LAMC2: variants seen among roughly 807,000 people sequenced by gnomAD.
LAMC2 encodes laminin subunit gamma-2.
LAMC2 carries 97 observed loss-of-function variants against 140.2 expected under a neutral mutation model. That is an observed-to-expected ratio of 0.69 (90% CI 0.59 to 0.82). The LOEUF (loss-of-function observed/expected upper bound fraction) is 0.82, where lower values mean the gene tolerates loss of function less well. LAMC2 is among the 40% of genes least tolerant of loss of function. LAMC2 has a pLI of 0.00. For synonymous variants in LAMC2, 513 were observed against 540.2 expected (o/e 0.95, Z 0.70); for missense variants, 1,402 against 1,476.1 (o/e 0.95, Z 0.82).
In LAMC2 at chr1:183,226,866, C is replaced by T; in HGVS notation, c.1235C>T (p.Thr412Ile). The T allele has an allele frequency of 6.2e-7, 1 of 1,614,102 alleles. No individual in the cohort carries two copies. ...RDSARLGPFG[T>I]CIPCNCQGGG... Reference sequence around the variant, plus strand: ...TCAGCGAGACTGGGGCCTTTTGGCACCTGTATTCCTTGTAACTGTCAAGGG... The same window carrying T: ...TCAGCGAGACTGGGGCCTTTTGGCATCTGTATTCCTTGTAACTGTCAAGGG... Residue 412 changes from threonine (T) to isoleucine (I), a missense_variant, in exon 9 of 23, where the codon ACC becomes ATC. Physicochemically the swap from Thr to Ile is moderately conservative, Grantham distance 89. This residue lies in a region of LAMC2 where 723 missense variants were observed against 783.3 expected (regional missense o/e 0.92). Transcript: ENST00000264144.
intron 3 of LAMC2, among the ~76,000 whole-genome samples, chr1:183,216,728 C>G (rs1272836055): frequency 6.6e-6 from 1 of 152,142 alleles, no homozygotes; most frequent in Non-Finnish European, 1.5e-5. Flanking sequence ...ATCTTATTTT[C>G]TATTCATGTT....
intron 16 of LAMC2, 73 bp downstream of exon 16, chr1:183,235,803 G>C (rs1659944425): frequency 2.7e-6 from 4 of 1,486,842 alleles, no homozygotes; most frequent in African/African-American, 1.4e-5. Context: ...AACCGTACTT[G>C]AGGGGCACCA....
chr1:183,207,274 G>A (rs1373526662), intron 1 of LAMC2, among the ~76,000 whole-genome samples: 1 of 152,046 alleles, frequency 6.6e-6, no homozygotes, highest in Non-Finnish European at 1.5e-5. Context: ...GTCACTTTGC[G>A]AGTCTCTTTG....
In LAMC2 at chr1:183,223,148, G is replaced by T; in HGVS notation, c.777G>T (p.Gly259=). The change falls in exon 7 of 23, where the codon GGG becomes GGT. Residue 259 remains glycine, a synonymous_variant. Coordinates refer to ENST00000264144, the MANE Select transcript of LAMC2 (RefSeq NM_005562.3). ...TCTGTTTCACAGCCAAATTTCTTGG[G>T]AATCAACAGGTGAGCTATGGTCAAA... ...VYFVAPAKFL[G]NQQVSYGQSL... The T allele has an allele frequency of 6.2e-7, 1 of 1,614,070 alleles. No homozygotes were observed. Among genetic ancestry groups the T allele is most frequent in the East Asian group, 2.2e-5 (1 of 44,876 alleles).
chr1:183,237,311 G>T, intron 17 of LAMC2, 41 bp from the exon 18 acceptor site: 1 of 1,612,432 alleles, frequency 6.2e-7, no homozygotes, highest in Non-Finnish European at 8.5e-7. Flanking sequence ...GTGGTAACTG[G>T]TAAGCAGAAG....
chr1:183,213,464 T>C (rs1659135068), intron 2 of LAMC2, among the ~76,000 whole-genome samples: 1 of 152,206 alleles, frequency 6.6e-6, no homozygotes, highest in Non-Finnish European at 1.5e-5. Flanking sequence ...GACTGGTCAA[T>C]GTTCCCTTGG....
intron 2 of LAMC2, among the ~76,000 whole-genome samples, chr1:183,211,693 T>A (rs2102203081): frequency 6.6e-6 from 1 of 152,116 alleles, no homozygotes; most frequent in African/African-American, 2.4e-5. Flanking sequence ...TATTTTTTTG[T>A]GGAGACAGGG....
intron 21 of LAMC2, 40 bp from the exon 22 acceptor site, chr1:183,240,252 A>C: frequency 6.2e-7 from 1 of 1,614,226 alleles, no homozygotes; most frequent in Non-Finnish European, 8.5e-7. Flanking sequence ...CAAAATGGAA[A>C]ATACCTTTTC....
intron 2 of LAMC2, among the ~76,000 whole-genome samples, chr1:183,213,748 CAAA>C (rs529019896): frequency 1.2e-4 from 8 of 68,164 alleles, no homozygotes; most frequent in African/African-American, 5.9e-5. Flanking sequence ...TGCAGTGAGC[CAAA>C]AAAAAAAAAA....
rs62640910 is a variant in LAMC2, at chr1:183,232,672, C to T, written c.2035C>T (p.Leu679Phe). ...ISEGASRSLG[L>F]QLAKVRSQEN... is the part of the protein sequence containing the mutation. ...TTCAGGTGCTAGCAGATCCCTTGGTCTCCAGTTGGCCAAGGTGAGGAGCCA... is the reference window on the plus strand; with the variant it reads ...TTCAGGTGCTAGCAGATCCCTTGGTTTCCAGTTGGCCAAGGTGAGGAGCCA... Residue 679 changes from leucine (L) to phenylalanine (F), a missense_variant, in exon 14 of 23, where the codon CTC becomes TTC. Around this residue, in one of 3 missense-constraint regions of LAMC2, gnomAD observed 670 missense variants for 667.2 expected, o/e 1.00. Coordinates refer to ENST00000264144, the MANE Select transcript of LAMC2 (RefSeq NM_005562.3). The T allele has an allele frequency of 2.3e-3, 3,786 of 1,613,144 alleles. 78 individuals are homozygous for T. The African/African-American group carries it at 0.043, about 18-fold the overall frequency.
chr1:183,223,192 G>A lies in LAMC2; in HGVS notation c.821G>A (p.Arg274His), dbSNP rs926921361. Residue 274 changes from arginine (R) to histidine (H), a missense_variant, in exon 7 of 23, where the codon CGT becomes CAT. By Grantham distance (29) the Arg-to-His change is conservative (BLOSUM62 0). This residue lies in a region of LAMC2 where 723 missense variants were observed against 783.3 expected (regional missense o/e 0.92). Coordinates refer to ENST00000264144, the MANE Select transcript of LAMC2 (RefSeq NM_005562.3). ...SYGQSLSFDY[R>H]VDRGGRHPSA... ...GGTCAAAGCCTGTCCTTTGACTACC[G>A]TGTGGACAGAGGAGGCAGACACCCA... is the stretch of plus-strand genomic sequence containing the variant. 8.1e-6 allele frequency: 13 copies of A among 1,614,130 alleles called. No individual in the cohort carries two copies. Among genetic ancestry groups the A allele is most frequent in the East Asian group, 2.2e-5 (1 of 44,880 alleles).
intron 7 of LAMC2, 48 bp from the exon 8 acceptor site, chr1:183,225,560 A>C: frequency 8.3e-7 from 1 of 1,208,742 alleles, no homozygotes; most frequent in Non-Finnish European, 1.2e-6. Context: ...ACAGGTAGGT[A>C]TGTGGTAAGA....
chr1:183,232,930 C>A, intron 14 of LAMC2, 73 bp downstream of exon 14: 1 of 1,387,638 alleles, frequency 7.2e-7, no homozygotes, highest in Non-Finnish European at 1.0e-6. Flanking sequence ...CTCACTGACT[C>A]AATTTCTGTC....
At chr1:183,221,680 G>A (rs1166784344) in intron 5 of LAMC2, among the ~76,000 whole-genome samples, 1 of 151,106 alleles carries the variant, frequency 6.6e-6, no homozygotes, top group African/African-American at 2.4e-5. Context: ...AGTGAGCCGA[G>A]ATCGCGCCAC....
chr1:183,249,079 G>A (rs950189298), downstream of LAMC2: 4 of 152,278 alleles, frequency 2.6e-5, no homozygotes, highest in African/African-American at 9.6e-5. Flanking sequence ...TGAGAAGCTG[G>A]AGCTTGAAAC....
intron 1 of LAMC2, among the ~76,000 whole-genome samples, chr1:183,192,766 G>A (rs1223566132): frequency 2.0e-5 from 3 of 152,140 alleles, no homozygotes; most frequent in Admixed American, 6.5e-5. Context: ...GCAGTGGCAC[G>A]ATCTTGGCTC....
intron 18 of LAMC2, 55 bp from the exon 19 acceptor site, chr1:183,238,252 A>AT (rs1296476214): frequency 3.1e-6 from 4 of 1,287,738 alleles, no homozygotes; most frequent in Non-Finnish European, 4.5e-6. Context: ...TGTCAGAGTG[A>AT]TTTTGCCAGC....
intron 2 of LAMC2, among the ~76,000 whole-genome samples, chr1:183,212,893 C>A (rs12407213): frequency 0.19 from 28,567 of 151,974 alleles, 2,711 homozygotes; most frequent in East Asian, 0.26. Context: ...CTCATCATTC[C>A]TAACCCAAGA....
chr1:183,227,326 G>A (rs868816519), intron 9 of LAMC2, among the ~76,000 whole-genome samples, 189 bp from the exon 10 acceptor site: 1 of 152,102 alleles, frequency 6.6e-6, no homozygotes, highest in Non-Finnish European at 1.5e-5. Context: ...GGGGAGTGAG[G>A]GTGAGATTCA....
Sources: gnomAD v4.1 joint callset for allele counts (sites outside exome capture counted in the v4.1 genomes callset) on GRCh38, gnomAD v4.1.1 for gene constraint, gnomAD v4.1.1 regional missense constraint, MANE v1.5 for transcripts, NCBI Gene and HGNC (gene_info 2026-07-23, HGNC 2026-07-21) for gene names.